Variants in SLC38A1 observed in about 807,000 individuals in gnomAD.
SLC38A1 encodes the protein sodium-coupled neutral amino acid symporter 1.
Under a neutral mutation model 60.3 loss-of-function variants are expected in SLC38A1, and 18 were observed. The ratio of observed to expected loss-of-function variants is 0.30; its 90% CI spans 0.21 to 0.44. The LOEUF is 0.44. Among genes scored for constraint, SLC38A1 ranks in the 20% least tolerant of loss-of-function variants. The pLI is 1.00. For synonymous variants in SLC38A1, 196 were observed against 212.1 expected, an observed-to-expected ratio of 0.92 and a Z score of 0.66; for missense variants, 448 against 587.2, an observed-to-expected ratio of 0.76 and a Z score of 2.45.
chr12:46,234,520 T>C (rs1941190952), intron 3 of SLC38A1, among the ~76,000 whole-genome samples: 1 of 150,918 alleles, frequency 6.6e-6, no homozygotes, highest in Non-Finnish European at 1.5e-5. Context: ...CTATCTCGGC[T>C]CACTGCAAGC....
chr12:46,229,609 T>A lies in SLC38A1; in HGVS notation c.153A>T (p.Arg51Ser). Residue 51 changes from arginine to serine, a missense_variant, in exon 4 of 17, where the codon AGA becomes AGT. By Grantham distance (110) the Arg-to-Ser change is moderately radical. This residue lies in a region of SLC38A1 where 102 missense variants were observed against 89.7 expected (regional missense o/e 1.14). Coordinates refer to ENST00000398637, the MANE Select transcript of SLC38A1 (RefSeq NM_030674.4). ...TTTCCAAATGGCTGTTTGTGAGACT[T>A]CTTCTACTTTCACGATCAGAAATAA... ...SKFISDRESR[R>S]SLTNSHLEKK... The A allele has an allele frequency of 6.2e-7, 1 of 1,613,600 alleles. No homozygotes were observed. Among genetic ancestry groups the A allele is most frequent in the Non-Finnish European group, 8.5e-7 (1 of 1,179,704 alleles).
chr12:46,246,671 T>C (rs1354317716), intron 1 of SLC38A1, among the ~76,000 whole-genome samples: 1 of 152,200 alleles, frequency 6.6e-6, no homozygotes, highest in African/African-American at 2.4e-5. Context: ...CCCAGCATGA[T>C]GTTTGAGCTC....
At chr12:46,265,575 T>C (rs890047007) in intron 1 of SLC38A1, among the ~76,000 whole-genome samples, 5 of 152,114 alleles carry the variant, frequency 3.3e-5, no homozygotes, top group Non-Finnish European at 7.4e-5. Context: ...TGGAAAGAGA[T>C]GAGAAGGCAG....
chr12:46,204,242 G>A (rs1447065739), intron 11 of SLC38A1, 59 bp downstream of exon 11: 3 of 1,051,176 alleles, frequency 2.9e-6, no homozygotes, highest in Admixed American at 3.4e-5. Context: ...ACAAGCATGA[G>A]AAATAGAATG....
At chr12:46,203,174 T>C in intron 11 of SLC38A1, 85 bp from the exon 12 acceptor site, 1 of 1,081,740 alleles carries the variant, frequency 9.2e-7, no homozygotes, top group Non-Finnish European at 1.4e-6. Flanking sequence ...GCTGTCTTTT[T>C]ATCTGACAGC....
chr12:46,265,143 C>T (rs1269222895), intron 1 of SLC38A1, among the ~76,000 whole-genome samples: 6 of 152,204 alleles, frequency 3.9e-5, no homozygotes, highest in Non-Finnish European at 8.8e-5. Context: ...TCTTTACCAT[C>T]ACTCAGTAAA....
chr12:46,204,054 C>G (rs1939780062), intron 11 of SLC38A1, among the ~76,000 whole-genome samples: 1 of 152,162 alleles, frequency 6.6e-6, no homozygotes, highest in Admixed American at 6.5e-5. Flanking sequence ...GCACTCTACA[C>G]AGAAAAAGCT....
At chr12:46,230,262 G>A (rs1196100773) in intron 3 of SLC38A1, among the ~76,000 whole-genome samples, 4 of 152,194 alleles carry the variant, frequency 2.6e-5, no homozygotes, top group African/African-American at 9.7e-5. Context: ...AACAGGCACT[G>A]GGGAGACACG....
intron 3 of SLC38A1, among the ~76,000 whole-genome samples, chr12:46,231,851 G>T (rs1364936969): frequency 1.3e-5 from 2 of 152,160 alleles, no homozygotes. Flanking sequence ...TGCCAGCCAG[G>T]CTGGTCTTGA....
At chr12:46,225,422 A>G (rs1940824400) in intron 5 of SLC38A1, among the ~76,000 whole-genome samples, 1 of 152,144 alleles carries the variant, frequency 6.6e-6, no homozygotes, top group East Asian at 1.9e-4. Flanking sequence ...ACTAGGCACA[A>G]TTTGTGGGCA....
intron 3 of SLC38A1, among the ~76,000 whole-genome samples, chr12:46,230,455 C>A (rs1302108828): frequency 6.6e-6 from 1 of 152,174 alleles, no homozygotes; most frequent in African/African-American, 2.4e-5. Flanking sequence ...ACCCTAGTTT[C>A]CTCATCTGGG....
rs1228791114 is a variant in SLC38A1, at chr12:46,229,260, A to G, written c.207T>C (p.Gly69=). 6.2e-7 allele frequency: 1 copy of G among 1,607,824 alleles called. No homozygotes were observed. Among genetic ancestry groups the G allele is most frequent in the African/African-American group, 1.3e-5 (1 of 74,790 alleles). Residue 69 remains glycine, a synonymous_variant, in exon 5 of 17, where the codon GGT becomes GGC. Transcript: ENST00000398637. The part of the protein sequence containing the change: ...EKKKCDEYIP[G]TTSLGMSVFN... Reference sequence around the variant, plus strand: ...AAACAGACATGCCTAAGGAGGTTGTACCTGGAATCTGAACAAAGAAACAAA... The same window carrying G: ...AAACAGACATGCCTAAGGAGGTTGTGCCTGGAATCTGAACAAAGAAACAAA...
chr12:46,201,607 A>C (rs1392537673), intron 12 of SLC38A1, among the ~76,000 whole-genome samples: 1 of 152,174 alleles, frequency 6.6e-6, no homozygotes, highest in East Asian at 1.9e-4. Flanking sequence ...TTCTGTCTCT[A>C]AAGCTGCTGT....
At chr12:46,267,182 C>CACTGCAGTTTTG (rs1942378642) in intron 1 of SLC38A1, 1 of 152,208 alleles carries the variant, frequency 6.6e-6, no homozygotes, top group Non-Finnish European at 1.5e-5. Flanking sequence ...TGTAAAAACC[C>CACTGCAGTTTTG]ACTGCAGAGA....
chr12:46,217,414 T>C (rs1222612283), intron 5 of SLC38A1, among the ~76,000 whole-genome samples: 1 of 152,254 alleles, frequency 6.6e-6, no homozygotes, highest in Admixed American at 6.5e-5. Context: ...AAGGTGAGCC[T>C]GAACACTCCG....
At chr12:46,257,187 CT>C (rs1942060322) in intron 1 of SLC38A1, among the ~76,000 whole-genome samples, 1 of 152,200 alleles carries the variant, frequency 6.6e-6, no homozygotes, top group Non-Finnish European at 1.5e-5. Flanking sequence ...TCCCAAGATT[CT>C]GTACATGCCT....
At chr12:46,252,657 C>T (rs1349287482) in intron 1 of SLC38A1, among the ~76,000 whole-genome samples, 1 of 151,536 alleles carries the variant, frequency 6.6e-6, no homozygotes, top group Admixed American at 6.6e-5. Context: ...AAAAAGTTCA[C>T]CTGTTATCTC....
chr12:46,241,523 G>A (rs779314763), intron 2 of SLC38A1, among the ~76,000 whole-genome samples: 6 of 152,092 alleles, frequency 3.9e-5, no homozygotes, highest in Non-Finnish European at 8.8e-5. Flanking sequence ...TGTCTTCAGG[G>A]CAAGGCACTT....
chr12:46,221,384 A>T (rs2137652129), intron 5 of SLC38A1, among the ~76,000 whole-genome samples: 1 of 152,264 alleles, frequency 6.6e-6, no homozygotes, highest in Admixed American at 6.5e-5. Flanking sequence ...GCAGTCTCAG[A>T]ACTATTTTGA....
Sources: gnomAD v4.1 joint callset for allele counts (sites outside exome capture counted in the v4.1 genomes callset) on GRCh38, gnomAD v4.1.1 for gene constraint, gnomAD v4.1.1 regional missense constraint, MANE v1.5 for transcripts, NCBI Gene and HGNC (gene_info 2026-07-23, HGNC 2026-07-21) for gene names.